Variants in CELSR2 observed in about 807,000 individuals in gnomAD.
The protein encoded by CELSR2 is cadherin EGF LAG seven-pass G-type receptor 2.
In CELSR2, 81 loss-of-function variants were observed where a neutral mutation model predicts 251.6. The observed-to-expected ratio is 0.32, with a 90% confidence interval of 0.27 to 0.39. The LOEUF (loss-of-function observed/expected upper bound fraction) is 0.39, where lower values mean the gene tolerates loss of function less well. Ranked by LOEUF, CELSR2 falls within the 10% of genes least tolerant of loss-of-function variation. CELSR2 has a pLI of 1.00. For synonymous variants in CELSR2, 1,721 were observed against 1,670.5 expected, an observed-to-expected ratio of 1.03 and a Z score of -0.74; for missense variants, 3,365 against 3,947.7, an observed-to-expected ratio of 0.85 and a Z score of 3.96.
chr1:109,264,888 A>AT lies in CELSR2; in HGVS notation c.5485_5486insT (p.Thr1829IlefsTer2). ...CCCAGGTTACTATGGTGACAACTGTACTAATGTGTGTGACCTGAACCCGTG... is the reference window on the plus strand; with the variant it reads ...CCCAGGTTACTATGGTGACAACTGTATCTAATGTGTGTGACCTGAACCCGTG... On this transcript the variant is annotated frameshift_variant, in exon 12 of 34. Transcript: ENST00000271332. LOFTEE classifies it high-confidence loss of function. 1 of 1,614,182 alleles carries AT rather than the reference A, an allele frequency of 6.2e-7. No individual in the cohort carries two copies. Among genetic ancestry groups the AT allele is most frequent in the South Asian group, 1.1e-5 (1 of 91,090 alleles).
At position 109,265,782 on chromosome 1, in the gene CELSR2, C is replaced by T. The variant is rs1490301981; in HGVS notation, c.5775C>T (p.Asp1925=). The change falls in exon 14 of 34, where the codon GAC becomes GAT. Residue 1925 remains aspartate, a synonymous_variant. Transcript: ENST00000271332. ...PPGSPTCLLC[D]CYPTGSLSRV... ...GCAGCCCCACCTGCCTCTTGTGTGA[C>T]TGCTACCCCACAGGCTCCTTGTCCA... 1 of 1,613,940 alleles carries T rather than the reference C, an allele frequency of 6.2e-7. No individual in the cohort carries two copies. Among genetic ancestry groups the T allele is most frequent in the African/African-American group, 1.3e-5 (1 of 74,932 alleles).
intron 15 of CELSR2, among the ~76,000 whole-genome samples, chr1:109,267,087 A>G (rs1485281821): frequency 6.6e-6 from 1 of 152,102 alleles, no homozygotes; most frequent in Non-Finnish European, 1.5e-5. Flanking sequence ...GCTGTGCTAG[A>G]GATTCAAAGA....
chr1:109,271,917 G>A (rs1451422625), intron 28 of CELSR2, among the ~76,000 whole-genome samples, 195 bp downstream of exon 28: 1 of 152,192 alleles, frequency 6.6e-6, no homozygotes, highest in Non-Finnish European at 1.5e-5. Flanking sequence ...ACTTGAGGGA[G>A]ATGGGGCTGA....
Position 109,252,339 on chromosome 1 carries a change from A to G in CELSR2, c.2260A>G (p.Ser754Gly), listed in dbSNP as rs1424155585. The G allele has an allele frequency of 1.2e-6, 2 of 1,613,086 alleles. No individual in the cohort carries two copies. Among genetic ancestry groups the G allele is most frequent in the Non-Finnish European group, 1.7e-6 (2 of 1,180,010 alleles). The change falls in exon 1 of 34, where the codon AGC (serine) becomes GGC (glycine). Residue 754 changes from serine to glycine, a missense_variant. Physicochemically the swap from Ser to Gly is moderately conservative, Grantham distance 56. Around this residue, in one of 5 missense-constraint regions of CELSR2, gnomAD observed 505 missense variants for 660.0 expected, o/e 0.77. Coordinates refer to ENST00000271332, the MANE Select transcript of CELSR2 (RefSeq NM_001408.3). The surrounding 1 kb of genome is among the most constrained non-coding windows in gnomAD (Gnocchi z 4.8). ...NARITYFMED[S>G]IPQFRIDADT... The stretch of plus-strand genomic sequence containing the variant: ...CCGCATCACCTACTTCATGGAGGAC[A>G]GCATCCCCCAGTTCCGCATCGATGC...
At position 109,271,521 on chromosome 1, in the gene CELSR2, C is replaced by A; in HGVS notation, c.7803+9C>A. 1 of 1,614,150 alleles carries A rather than the reference C, an allele frequency of 6.2e-7. No homozygotes were observed. Among genetic ancestry groups the A allele is most frequent in the Non-Finnish European group, 8.5e-7 (1 of 1,180,008 alleles). ...CCTGCAATTGCATCCAGGTACCTGGCCCAGCCTGTGGAGAAGGGAGGCACC... is the reference window on the plus strand; with the variant it reads ...CCTGCAATTGCATCCAGGTACCTGGACCAGCCTGTGGAGAAGGGAGGCACC... On this transcript the variant is annotated intron_variant, in intron 27 of 33. Coordinates refer to ENST00000271332, the MANE Select transcript of CELSR2 (RefSeq NM_001408.3).
Position 109,268,990 on chromosome 1 carries a change from C to T in CELSR2, c.6613C>T (p.Pro2205Ser). ...GGACCTTGAGACAACAGTCATTCTG[C>T]CTGAGTCTGTCTTCAGAGGTCAGTG... ...PPDLETTVIL[P>S]ESVFRETPPV... The change falls in exon 19 of 34, where the codon CCT becomes TCT. Residue 2205 changes from proline (P) to serine (S), a missense_variant. By Grantham distance (74) the Pro-to-Ser change is moderately conservative (BLOSUM62 -1). Around this residue, in one of 5 missense-constraint regions of CELSR2, gnomAD observed 2,093 missense variants for 2,382.8 expected, o/e 0.88. Transcript: ENST00000271332. The T allele has an allele frequency of 6.2e-7, 1 of 1,612,654 alleles. No homozygotes were observed. Among genetic ancestry groups the T allele is most frequent in the Non-Finnish European group, 8.5e-7 (1 of 1,179,010 alleles).
chr1:109,263,365 G>T (rs75551809), intron 8 of CELSR2, 98 bp downstream of exon 8: 2 of 1,477,508 alleles, frequency 1.4e-6, no homozygotes, highest in Non-Finnish European at 1.8e-6. Context: ...TCTGCTGAGC[G>T]GGGCTGTGGG....
At chr1:109,254,519 A>G (rs1235337814) in intron 1 of CELSR2, among the ~76,000 whole-genome samples, 2 of 152,126 alleles carry the variant, frequency 1.3e-5, no homozygotes. Context: ...TGCCTTCCCC[A>G]AGCCTGGGAA....
At position 109,265,749 on chromosome 1, in the gene CELSR2, G is replaced by T. The variant is rs772147972; in HGVS notation, c.5742G>T (p.Arg1914=). Residue 1914 remains arginine (R), a synonymous_variant, in exon 14 of 34, where the codon CGG becomes CGT. Coordinates refer to ENST00000271332, the MANE Select transcript of CELSR2 (RefSeq NM_001408.3). Reference sequence around the variant, plus strand: ...TCCTTTCTCAGGAGAACCACTACCGGCCCCCAGGCAGCCCCACCTGCCTCT... The same window carrying T: ...TCCTTTCTCAGGAGAACCACTACCGTCCCCCAGGCAGCCCCACCTGCCTCT... ...GECHCKENHY[R]PPGSPTCLLC... is the part of the protein sequence containing the mutation. 3.7e-6 allele frequency: 6 copies of T among 1,611,036 alleles called. No homozygotes were observed. The highest frequency in any genetic ancestry group is 4.2e-6 in the Non-Finnish European group (5 of 1,177,582).
In CELSR2 at chr1:109,251,963, C is replaced by G. The variant is rs781699952; in HGVS notation, c.1884C>G (p.Ser628Arg). ...ATGAGGATGCAGCTGTGGGCACCAG[C>G]GTGGTGACGGTGTCAGCTGTGGACC... is the stretch of plus-strand genomic sequence containing the variant. Reference protein sequence around the residue: ...RLNEDAAVGTSVVTVSAVDRD... With the variant: ...RLNEDAAVGTRVVTVSAVDRD... The change falls in exon 1 of 34, where the codon AGC becomes AGG. Residue 628 changes from serine to arginine, a missense_variant. This residue lies in a region of CELSR2 where 60 missense variants were observed against 104.8 expected (regional missense o/e 0.57). Coordinates refer to ENST00000271332, the MANE Select transcript of CELSR2 (RefSeq NM_001408.3). This position sits in a 1 kb window ranked among gnomAD's most constrained non-coding sequence, Gnocchi z 4.9. The G allele has an allele frequency of 6.2e-7, 1 of 1,614,146 alleles. No homozygotes were observed. Among genetic ancestry groups the G allele is most frequent in the Admixed American group, 1.7e-5 (1 of 60,026 alleles).
intron 1 of CELSR2, among the ~76,000 whole-genome samples, chr1:109,258,067 A>G (rs1423269159): frequency 6.6e-6 from 1 of 151,958 alleles, no homozygotes; most frequent in African/African-American, 2.4e-5. Flanking sequence ...CAGGGGGATG[A>G]TTTTTGTGGG....
intron 17 of CELSR2, 100 bp downstream of exon 17, chr1:109,268,160 A>G: frequency 2.0e-6 from 3 of 1,466,844 alleles, no homozygotes; most frequent in Non-Finnish European, 2.7e-6. Context: ...CTCCCATCCC[A>G]CCTACAAGGA....
chr1:109,251,420 T>G lies in CELSR2; in HGVS notation c.1341T>G (p.Phe447Leu), dbSNP rs772978368. The G allele has an allele frequency of 2.5e-6, 4 of 1,613,794 alleles. No individual in the cohort carries two copies. In the African/African-American group the frequency reaches 4.0e-5, roughly 16 times the overall value. The change falls in exon 1 of 34, where the codon TTT becomes TTG. Residue 447 changes from phenylalanine to leucine, a missense_variant. Phe to Leu is a conservative substitution (Grantham distance 22, BLOSUM62 0). This residue lies in a region of CELSR2 where 704 missense variants were observed against 784.1 expected (regional missense o/e 0.90). Transcript: ENST00000271332. The surrounding 1 kb of genome is among the most constrained non-coding windows in gnomAD (Gnocchi z 4.9). ...SIMSGNARGQ[F>L]YLDAQTGALD... ...TGAGTGGCAATGCTCGGGGACAGTT[T>G]TATCTGGATGCCCAGACTGGAGCTC...
At position 109,252,315 on chromosome 1, in the gene CELSR2, C is replaced by T. The variant is rs780995915; in HGVS notation, c.2236C>T (p.Arg746Cys). 15 of 1,613,120 alleles carry T rather than the reference C, an allele frequency of 9.3e-6. No homozygotes were observed. Among genetic ancestry groups the T allele is most frequent in the East Asian group, 2.2e-5 (1 of 44,872 alleles). Residue 746 changes from arginine (R) to cysteine (C), a missense_variant, in exon 1 of 34, where the codon CGC becomes TGC. Around this residue, in one of 5 missense-constraint regions of CELSR2, gnomAD observed 505 missense variants for 660.0 expected, o/e 0.77. Coordinates refer to ENST00000271332, the MANE Select transcript of CELSR2 (RefSeq NM_001408.3). The surrounding 1 kb of genome is among the most constrained non-coding windows in gnomAD (Gnocchi z 4.8). The stretch of plus-strand genomic sequence containing the variant: ...GGATGAGGACACAGGTGAGAATGCC[C>T]GCATCACCTACTTCATGGAGGACAG... ...ATDEDTGENA[R>C]ITYFMEDSIP...
rs1223427685 is a variant in CELSR2, at chr1:109,268,926, G to A, written c.6549G>A (p.Lys2183=). 2.5e-6 allele frequency: 4 copies of A among 1,613,332 alleles called. No individual in the cohort carries two copies. In the East Asian group the frequency reaches 6.7e-5, roughly 27 times the overall value. ...ACAAAGGGAACTTTGCTGGGGCCAA[G>A]CTGCCCCGCTACGAGGCCCTGCGTG... ...RLDKGNFAGA[K]LPRYEALRGE... is the part of the protein sequence containing the mutation. Residue 2183 remains lysine (K), a synonymous_variant, in exon 19 of 34, where the codon AAG becomes AAA. Transcript: ENST00000271332.
At chr1:109,268,511 G>A (rs1656272089) in intron 17 of CELSR2, 70 bp from the exon 18 acceptor site, 1 of 1,519,900 alleles carries the variant, frequency 6.6e-7, no homozygotes, top group South Asian at 1.3e-5. Flanking sequence ...CCGGGCACAG[G>A]CCGGGGCTCC....
In CELSR2 at chr1:109,264,215, C is replaced by G; in HGVS notation, c.5139C>G (p.Gly1713=). 1 of 1,613,618 alleles carries G rather than the reference C, an allele frequency of 6.2e-7. No individual in the cohort carries two copies. The highest frequency in any genetic ancestry group is 8.5e-7 in the Non-Finnish European group (1 of 1,179,932). ...QLALGASGGP[G]HAILSFDYGQ... The stretch of plus-strand genomic sequence containing the variant: ...CACTGGGAGCCAGCGGGGGGCCCGG[C>G]CATGCCATTCTGTCCTTCGATTATG... The change falls in exon 10 of 34, where the codon GGC becomes GGG. Residue 1713 remains glycine, a synonymous_variant. Coordinates refer to ENST00000271332, the MANE Select transcript of CELSR2 (RefSeq NM_001408.3).
At position 109,263,277 on chromosome 1, in the gene CELSR2, G is replaced by T; in HGVS notation, c.4834+10G>T. 1 of 1,565,560 alleles carries T rather than the reference G, an allele frequency of 6.4e-7. No homozygotes were observed. The highest frequency in any genetic ancestry group is 2.3e-5 in the East Asian group (1 of 43,938). On this transcript the variant is annotated intron_variant, in intron 8 of 33. Transcript: ENST00000271332. ...AAGAGCTGCGCCCAGGGTAGGAGGGGCGGCTGTTAGAGGCCACAGCCTGGG... is the reference window on the plus strand; with the variant it reads ...AAGAGCTGCGCCCAGGGTAGGAGGGTCGGCTGTTAGAGGCCACAGCCTGGG...
In CELSR2 at chr1:109,269,587, A is replaced by G. The variant is rs547168679; in HGVS notation, c.6976A>G (p.Ile2326Val). The change falls in exon 21 of 34, where the codon ATC becomes GTC. Residue 2326 changes from isoleucine (I) to valine (V), a missense_variant. By Grantham distance (29) the Ile-to-Val change is conservative (BLOSUM62 3). This residue lies in a region of CELSR2 where 2,093 missense variants were observed against 2,382.8 expected (regional missense o/e 0.88). Coordinates refer to ENST00000271332, the MANE Select transcript of CELSR2 (RefSeq NM_001408.3). The surrounding 1 kb of genome is among the most constrained non-coding windows in gnomAD (Gnocchi z 6.4). ...KPICVFWNHS[I>V]LVSGTGGWSA... Reference sequence around the variant, plus strand: ...CATCTGTGTCTTCTGGAACCATTCAATCCTGTGAGCCTGCACTGCCCTCGC... The same window carrying G: ...CATCTGTGTCTTCTGGAACCATTCAGTCCTGTGAGCCTGCACTGCCCTCGC... 3 of 1,613,980 alleles carry G rather than the reference A, an allele frequency of 1.9e-6. No homozygotes were observed. Among genetic ancestry groups the G allele is most frequent in the Admixed American group, 1.7e-5 (1 of 60,004 alleles).
Sources: gnomAD v4.1 joint callset for allele counts (sites outside exome capture counted in the v4.1 genomes callset) on GRCh38, gnomAD v4.1.1 for gene constraint, gnomAD v4.1.1 regional missense constraint, Gnocchi (gnomAD v3.1) non-coding constraint, MANE v1.5 for transcripts, NCBI Gene and HGNC (gene_info 2026-07-23, HGNC 2026-07-21) for gene names.